Variants in MSRA observed in about 807,000 individuals in gnomAD.
The protein encoded by MSRA is methionine sulfoxide reductase A, also known as mitochondrial peptide methionine sulfoxide reductase.
MSRA carries 54 observed loss-of-function variants against 31.3 expected under a neutral mutation model. The observed-to-expected ratio is 1.73, with a 90% CI of 1.39 to 2.17. The LOEUF is 2.17. Ranked by LOEUF, MSRA falls within the 30% of genes most tolerant of loss-of-function variation. The pLI, the probability that MSRA is intolerant of heterozygous loss-of-function variation, is 0.00. For synonymous variants in MSRA, 169 were observed against 116.5 expected, an observed-to-expected ratio of 1.45 and a Z score of -2.90; for missense variants, 507 against 300.9, an observed-to-expected ratio of 1.69 and a Z score of -5.07.
At chr8:10,190,145 C>T (rs1015028047) in intron 1 of MSRA, among the ~76,000 whole-genome samples, 2 of 151,992 alleles carry the variant, frequency 1.3e-5, no homozygotes, top group South Asian at 2.1e-4. Context: ...CAGTAGAGGG[C>T]GCTTTGGGGG....
chr8:10,265,916 A>G (rs1009185300), intron 3 of MSRA, among the ~76,000 whole-genome samples: 2 of 152,100 alleles, frequency 1.3e-5, no homozygotes, highest in African/African-American at 4.8e-5. Flanking sequence ...AGATGCATCC[A>G]TGTTCTCGGA....
At chr8:10,074,198 T>G (rs183565160) in intron 1 of MSRA, among the ~76,000 whole-genome samples, 1 of 150,624 alleles carries the variant, frequency 6.6e-6, no homozygotes, top group Non-Finnish European at 1.5e-5. Context: ...TTTTCCTGCC[T>G]TATCCTCCCG....
chr8:10,346,932 C>CTAGT (rs1803816588), intron 5 of MSRA, among the ~76,000 whole-genome samples: 1 of 152,154 alleles, frequency 6.6e-6, no homozygotes, highest in African/African-American at 2.4e-5. Context: ...TATAGTCAGA[C>CTAGT]TAGTGTCCAT....
In MSRA at chr8:10,228,382, A is replaced by T. The variant is rs190364724; in HGVS notation, c.212-16722A>T. 2.0e-5 allele frequency among the ~76,000 whole-genome samples: 3 copies of T among 152,210 alleles called. No individual in the cohort carries two copies. In the East Asian group the frequency reaches 5.8e-4, roughly 29 times the overall value. ...CCCTGACTCTACGTGTACTTTATTG[A>T]TATCCAGTAAATGCCCAGTACAGAA... is the stretch of plus-strand genomic sequence containing the variant. On this transcript the variant is annotated intron_variant, in intron 2 of 5. Coordinates refer to ENST00000317173, the MANE Select transcript of MSRA (RefSeq NM_012331.5).
intron 2 of MSRA, among the ~76,000 whole-genome samples, chr8:10,228,179 A>G (rs931453370): frequency 1.3e-5 from 2 of 152,078 alleles, no homozygotes; most frequent in South Asian, 2.1e-4. Flanking sequence ...GTCTCTGCCT[A>G]TGTTCCACCT....
chr8:10,394,451 G>A (rs1221208311), intron 5 of MSRA, among the ~76,000 whole-genome samples: 1 of 152,164 alleles, frequency 6.6e-6, no homozygotes, highest in Non-Finnish European at 1.5e-5. Flanking sequence ...TATCACAATA[G>A]GATTTACAAA....
intron 5 of MSRA, among the ~76,000 whole-genome samples, chr8:10,426,535 G>C (rs1160340532): frequency 6.6e-6 from 1 of 152,216 alleles, no homozygotes; most frequent in Non-Finnish European, 1.5e-5. Flanking sequence ...GCAAAGAATA[G>C]CTTCTTCTTT....
At chr8:10,157,323 T>G (rs28442230) in intron 1 of MSRA, among the ~76,000 whole-genome samples, 6,003 of 152,290 alleles carry the variant, frequency 0.039, 382 homozygotes, top group African/African-American at 0.14. Flanking sequence ...CCCTGGCTTC[T>G]GCTTCCAGTT....
intron 1 of MSRA, among the ~76,000 whole-genome samples, chr8:10,167,804 C>A (rs1220648469): frequency 1.3e-5 from 2 of 152,110 alleles, no homozygotes; most frequent in African/African-American, 4.8e-5. Flanking sequence ...GATGTACAAA[C>A]AGAAGGGTAC....
chr8:10,198,898 G>A (rs780543798), intron 1 of MSRA, among the ~76,000 whole-genome samples: 21 of 152,140 alleles, frequency 1.4e-4, no homozygotes, highest in African/African-American at 4.6e-4. Flanking sequence ...AGATTGTAGC[G>A]TTTCATGTGC....
chr8:10,335,083 G>C (rs753622200), intron 5 of MSRA, among the ~76,000 whole-genome samples: 1 of 152,170 alleles, frequency 6.6e-6, no homozygotes, highest in African/African-American at 2.4e-5. Context: ...GACGGGCCGG[G>C]CGCAGGGACC....
intron 5 of MSRA, among the ~76,000 whole-genome samples, chr8:10,416,763 T>G (rs17767019): frequency 0.087 from 13,231 of 152,196 alleles, 774 homozygotes; most frequent in Non-Finnish European, 0.13. Flanking sequence ...GGGCCCAGAC[T>G]TTGCATTTCT....
At chr8:10,336,322 A>C (rs1045827422) in intron 5 of MSRA, among the ~76,000 whole-genome samples, 1 of 152,160 alleles carries the variant, frequency 6.6e-6, no homozygotes, top group Non-Finnish European at 1.5e-5. Flanking sequence ...CACTTGGTTG[A>C]CTTAAACACT....
At chr8:10,411,387 A>T (rs1047308558) in intron 5 of MSRA, 30 of 152,286 alleles carry the variant, frequency 2.0e-4, no homozygotes, top group African/African-American at 6.7e-4. Flanking sequence ...ATTCTTAACC[A>T]TGTGGAGCTG....
Position 10,172,490 on chromosome 8 carries a change from G to A in MSRA, c.143-35343G>A, listed in dbSNP as rs950934890. On this transcript the variant is annotated intron_variant, in intron 1 of 5. Coordinates refer to ENST00000317173, the MANE Select transcript of MSRA (RefSeq NM_012331.5). ...AAAGGGGACGCAGGTTTCTAGCTTGGAACTCTGGCTGATGGCAGAGTATTA... is the reference window on the plus strand; with the variant it reads ...AAAGGGGACGCAGGTTTCTAGCTTGAAACTCTGGCTGATGGCAGAGTATTA... Among the ~76,000 whole-genome samples the A allele has an allele frequency of 2.0e-5, 3 of 152,282 alleles. No homozygotes were observed. The East Asian group carries it at 5.8e-4, about 29-fold the overall frequency.
intron 1 of MSRA, among the ~76,000 whole-genome samples, chr8:10,158,334 C>T (rs1022073730): frequency 1.8e-4 from 27 of 152,214 alleles, no homozygotes; most frequent in Admixed American, 1.6e-3. Flanking sequence ...GTTTGCATTA[C>T]CTCAAAAAGA....
At chr8:10,327,887 T>G (rs1346075155) in intron 5 of MSRA, among the ~76,000 whole-genome samples, 5 of 152,026 alleles carry the variant, frequency 3.3e-5, no homozygotes, top group Non-Finnish European at 7.4e-5. Context: ...GAGCTGAGAT[T>G]GCGCCACTGC....
intron 5 of MSRA, among the ~76,000 whole-genome samples, chr8:10,350,691 C>G (rs1439801028): frequency 6.6e-6 from 1 of 152,252 alleles, no homozygotes; most frequent in Non-Finnish European, 1.5e-5. Context: ...CCCTGTATCT[C>G]TGGCCTGGGC....
intron 5 of MSRA, among the ~76,000 whole-genome samples, chr8:10,343,054 G>GAC (rs1202875145): frequency 5.1e-4 from 36 of 70,650 alleles, no homozygotes; most frequent in Admixed American, 3.1e-3. Flanking sequence ...CACACACACA[G>GAC]ACACACACAC....
Sources: allele counts gnomAD v4.1 joint callset (sites outside exome capture counted in the v4.1 genomes callset), GRCh38; gene constraint gnomAD v4.1.1; transcripts MANE v1.5; gene names NCBI Gene and HGNC (gene_info 2026-07-23, HGNC 2026-07-21).